Variants in CAGE1 observed in about 807,000 individuals in gnomAD.
The protein encoded by CAGE1 is cancer antigen 1, also known as cancer-associated gene 1 protein.
In CAGE1, 66 loss-of-function variants were observed where a neutral mutation model predicts 94.9. The observed-to-expected ratio is 0.70, with a 90% confidence interval of 0.57 to 0.85. CAGE1 has a LOEUF of 0.85. CAGE1 is among the 40% of genes least tolerant of loss of function. CAGE1 has a pLI of 0.00. For missense variants in CAGE1, 865 were observed against 950.4 expected (o/e 0.91, Z 1.18); for synonymous variants, 319 against 321.0 (o/e 0.99, Z 0.07).
chr6:7,363,107 A>G (rs972445054), intron 9 of CAGE1, among the ~76,000 whole-genome samples: 1 of 152,116 alleles, frequency 6.6e-6, no homozygotes, highest in Non-Finnish European at 1.5e-5. Flanking sequence ...TGTCTCTACT[A>G]AAAATACAAA....
At chr6:7,386,942 A>T in intron 2 of CAGE1, 37 bp downstream of exon 2, 3 of 1,325,172 alleles carry the variant, frequency 2.3e-6, no homozygotes, top group Non-Finnish European at 3.2e-6. Context: ...AATTCTGAAT[A>T]CATCTGAGCC....
chr6:7,350,913 G>C (rs1334564657), intron 11 of CAGE1, among the ~76,000 whole-genome samples: 1 of 152,028 alleles, frequency 6.6e-6, no homozygotes, highest in Non-Finnish European at 1.5e-5. Flanking sequence ...ACCAATATCA[G>C]AGCAGAACTA....
intron 4 of CAGE1, among the ~76,000 whole-genome samples, chr6:7,375,789 T>C (rs1255891366): frequency 6.6e-6 from 1 of 152,174 alleles, no homozygotes; most frequent in Non-Finnish European, 1.5e-5. Flanking sequence ...CTCTGGAATT[T>C]AGAGACAAGG....
rs1488176415 is a variant in CAGE1, at chr6:7,385,826, AGT to A, written c.240_241del (p.Cys82Ter). 1.9e-6 allele frequency: 3 copies of A among 1,544,706 alleles called. No homozygotes were observed. Among genetic ancestry groups the A allele is most frequent in the African/African-American group, 2.7e-5 (2 of 72,790 alleles). On this transcript the variant is annotated frameshift_variant, in exon 3 of 14. Transcript: ENST00000502583. LOFTEE classifies it high-confidence loss of function. ...TAGTGTGCCATAAGCATCTTCACAA[AGT>A]GTGGATTCATACTCATTTTCCCTTT...
At chr6:7,345,113 T>G (rs1581666635) in intron 11 of CAGE1, among the ~76,000 whole-genome samples, 2 of 151,538 alleles carry the variant, frequency 1.3e-5, no homozygotes, top group Admixed American at 6.6e-5. Flanking sequence ...CTTGTTGCTG[T>G]TTGCTCTTTA....
rs189586533 is a variant in CAGE1, at chr6:7,382,073, C to T, written c.284-3053G>A. Among the ~76,000 whole-genome samples, 35 of 150,124 alleles carry T rather than the reference C, an allele frequency of 2.3e-4. No homozygotes were observed. The East Asian group carries it at 6.6e-3, about 28-fold the overall frequency. On this transcript the variant is annotated intron_variant, in intron 3 of 13. Coordinates refer to ENST00000502583, the MANE Select transcript of CAGE1 (RefSeq NM_001170692.2). ...CAGGATTGCCTCAATCTCCTGATCTCGTGATCCGCCCATCTTGGCCTTCCA... is the reference window on the plus strand; with the variant it reads ...CAGGATTGCCTCAATCTCCTGATCTTGTGATCCGCCCATCTTGGCCTTCCA...
At chr6:7,357,565 TTAAA>T (rs1313980081) in intron 9 of CAGE1, among the ~76,000 whole-genome samples, 2 of 152,138 alleles carry the variant, frequency 1.3e-5, no homozygotes, top group African/African-American at 4.8e-5. Flanking sequence ...TAACCTCAGA[TTAAA>T]TAAAGAATAG....
chr6:7,359,309 A>G (rs928841305), intron 9 of CAGE1, among the ~76,000 whole-genome samples: 2 of 152,156 alleles, frequency 1.3e-5, no homozygotes, highest in Non-Finnish European at 2.9e-5. Flanking sequence ...GGCCTCCCAA[A>G]GTGCTGGGAT....
chr6:7,336,040 C>T (rs1758942846), intron 11 of CAGE1, among the ~76,000 whole-genome samples: 1 of 152,180 alleles, frequency 6.6e-6, no homozygotes, highest in Non-Finnish European at 1.5e-5. Flanking sequence ...AAGTTATACT[C>T]TTTCTTTCAG....
chr6:7,381,900 C>T (rs1170914041), intron 3 of CAGE1, among the ~76,000 whole-genome samples: 10 of 149,222 alleles, frequency 6.7e-5, no homozygotes, highest in South Asian at 2.1e-4. Context: ...AGTGCAGTGG[C>T]GCGATCTCGG....
intron 11 of CAGE1, among the ~76,000 whole-genome samples, chr6:7,352,290 C>CAAAAAAAAAAAACA (rs1759798360): frequency 9.2e-5 from 4 of 43,612 alleles, no homozygotes; most frequent in East Asian, 1.1e-3. Context: ...ACAATAGCTG[C>CAAAAAAAAAAAACA]AAAAAAAAAA....
intron 3 of CAGE1, 103 bp from the exon 4 acceptor site, chr6:7,379,123 A>C: frequency 1.4e-6 from 1 of 693,388 alleles, no homozygotes; most frequent in South Asian, 2.7e-5. Flanking sequence ...AGCCACTTAA[A>C]AATTATATAT....
chr6:7,358,027 G>GATATAGATATATAT (rs1748233178), intron 9 of CAGE1, among the ~76,000 whole-genome samples: 8 of 48,078 alleles, frequency 1.7e-4, no homozygotes, highest in African/African-American at 4.7e-4. Flanking sequence ...TAAGTTTTGA[G>GATATAGATATATAT]ATATATATAT....
At chr6:7,345,057 C>T (rs75832965) in intron 11 of CAGE1, among the ~76,000 whole-genome samples, 17,563 of 152,088 alleles carry the variant, frequency 0.12, 1,333 homozygotes, top group East Asian at 0.31. Context: ...CGGCAGATGG[C>T]TGGTGTTGAA....
At chr6:7,365,963 G>C in intron 7 of CAGE1, 79 bp from the exon 8 acceptor site, 1 of 910,810 alleles carries the variant, frequency 1.1e-6, no homozygotes, top group Non-Finnish European at 1.6e-6. Flanking sequence ...TAATCAAACC[G>C]GGCCGGGCGT....
intron 4 of CAGE1, 103 bp downstream of exon 4, chr6:7,378,514 A>G (rs1376989229): frequency 4.1e-6 from 4 of 975,044 alleles, no homozygotes; most frequent in Non-Finnish European, 6.0e-6. Context: ...TTTACTGACC[A>G]TCACAATCGT....
In CAGE1 at chr6:7,386,104, G is replaced by A. The variant is rs548222279; in HGVS notation, c.196-232C>T. On this transcript the variant is annotated intron_variant, in intron 2 of 13. Coordinates refer to ENST00000502583, the MANE Select transcript of CAGE1 (RefSeq NM_001170692.2). The stretch of plus-strand genomic sequence containing the variant: ...AAATAGCTTGTTATTTTAATATTTT[G>A]GTTTTTTGGTAAGTCAAATCATGTG... Among the ~76,000 whole-genome samples, 45 of 152,072 alleles carry A rather than the reference G, an allele frequency of 3.0e-4. 1 individual carries two copies. The South Asian group carries it at 9.3e-3, about 32-fold the overall frequency.
At chr6:7,366,752 T>C (rs1214192360) in intron 7 of CAGE1, among the ~76,000 whole-genome samples, 4 of 152,060 alleles carry the variant, frequency 2.6e-5, no homozygotes, top group Admixed American at 6.6e-5. Flanking sequence ...GATTTTGCAT[T>C]GTATCCTTTG....
At position 7,373,453 on chromosome 6, in the gene CAGE1, G is replaced by A; in HGVS notation, c.1366C>T (p.Gln456Ter). Residue 456 changes from glutamine to a stop codon, truncating the protein, a stop_gained, in exon 5 of 14, where the codon CAA becomes TAA. Coordinates refer to ENST00000502583, the MANE Select transcript of CAGE1 (RefSeq NM_001170692.2). LOFTEE classifies it high-confidence loss of function. ...TTTTCCAGTTCTTTTTTGAGTTGTT[G>A]TAGTCTCTCTACCTCTTCTTCTTTC... ...SKKEEEVERL[Q>*]QLKKELEKAT... 6.2e-7 allele frequency: 1 copy of A among 1,613,782 alleles called. No individual in the cohort carries two copies. The highest frequency in any genetic ancestry group is 1.6e-4 in the Middle Eastern group (1 of 6,062).
Sources: gnomAD v4.1 joint callset for allele counts (sites outside exome capture counted in the v4.1 genomes callset) on GRCh38, gnomAD v4.1.1 for gene constraint, MANE v1.5 for transcripts, NCBI Gene and HGNC (gene_info 2026-07-23, HGNC 2026-07-21) for gene names.